CCDC60: variants seen among roughly 807,000 people sequenced by gnomAD.
CCDC60 encodes the protein coiled-coil domain containing 60, also known as coiled-coil domain-containing protein 60.
In CCDC60, 54 loss-of-function variants were observed where a neutral mutation model predicts 63.5. The observed-to-expected ratio is 0.85, with a 90% CI of 0.68 to 1.07. CCDC60 has a LOEUF of 1.07. Ranked by LOEUF, CCDC60 falls within the 50% of genes least tolerant of loss-of-function variation. The pLI is 0.00. For synonymous variants in CCDC60, 206 were observed against 238.8 expected (o/e 0.86, Z 1.27); for missense variants, 651 against 684.3 (o/e 0.95, Z 0.54).
chr12:119,534,364 G>A (rs752887892), intron 13 of CCDC60, among the ~76,000 whole-genome samples: 2 of 152,116 alleles, frequency 1.3e-5, no homozygotes, highest in Non-Finnish European at 2.9e-5. Flanking sequence ...TCTGCAAATA[G>A]GGACATTTTG....
At chr12:119,458,430 T>C (rs1950788397) in intron 2 of CCDC60, among the ~76,000 whole-genome samples, 1 of 152,200 alleles carries the variant, frequency 6.6e-6, no homozygotes, top group African/African-American at 2.4e-5. Flanking sequence ...AGTTTATTTT[T>C]ATTTTTATTT....
intron 1 of CCDC60, among the ~76,000 whole-genome samples, chr12:119,347,812 C>T (rs1016013581): frequency 6.6e-6 from 1 of 152,146 alleles, no homozygotes; most frequent in Non-Finnish European, 1.5e-5. Flanking sequence ...CCTGCCTCAT[C>T]GGGTTGTTGA....
intron 8 of CCDC60, among the ~76,000 whole-genome samples, chr12:119,518,670 T>G (rs1952417559): frequency 6.6e-6 from 1 of 152,168 alleles, no homozygotes; most frequent in African/African-American, 2.4e-5. Context: ...CATATTAGCA[T>G]GTGCCTGGCA....
chr12:119,528,894 C>T, intron 12 of CCDC60, 148 bp downstream of exon 12: 1 of 742,090 alleles, frequency 1.3e-6, no homozygotes, highest in Admixed American at 3.3e-5. Context: ...TCCCCCACCC[C>T]CCAGAAACAC....
chr12:119,535,616 C>G (rs1593231523), intron 13 of CCDC60, among the ~76,000 whole-genome samples: 2 of 152,256 alleles, frequency 1.3e-5, no homozygotes, highest in East Asian at 3.9e-4. Context: ...CACCTTGTGT[C>G]TTTGTTTTCA....
At chr12:119,512,385 C>G (rs1395875955) in intron 7 of CCDC60, among the ~76,000 whole-genome samples, 2 of 152,164 alleles carry the variant, frequency 1.3e-5, no homozygotes, top group Non-Finnish European at 2.9e-5. Context: ...CTGCCAGGTG[C>G]TATCAATAAA....
intron 2 of CCDC60, among the ~76,000 whole-genome samples, chr12:119,443,970 C>T (rs901859479): frequency 1.1e-4 from 16 of 152,170 alleles, no homozygotes; most frequent in Non-Finnish European, 1.8e-4. Context: ...GGCACACATA[C>T]ACACACACAT....
chr12:119,340,266 G>A (rs929486472), intron 1 of CCDC60, among the ~76,000 whole-genome samples: 1 of 152,144 alleles, frequency 6.6e-6, no homozygotes, highest in Non-Finnish European at 1.5e-5. Context: ...GACTTAATGT[G>A]GGTAATGCTG....
At chr12:119,366,196 T>C (rs1400249723) in intron 1 of CCDC60, among the ~76,000 whole-genome samples, 2 of 146,792 alleles carry the variant, frequency 1.4e-5, no homozygotes, top group Non-Finnish European at 3.0e-5. Flanking sequence ...TCACTGAAGA[T>C]CTACACAGTG....
chr12:119,428,787 T>C (rs1307681832), intron 2 of CCDC60, 25 bp downstream of exon 2: 14 of 1,500,858 alleles, frequency 9.3e-6, no homozygotes, highest in Non-Finnish European at 1.2e-5. Context: ...CAGGGAATGA[T>C]CCATAGACAA....
At chr12:119,518,443 T>C (rs1952411630) in intron 8 of CCDC60, among the ~76,000 whole-genome samples, 1 of 152,192 alleles carries the variant, frequency 6.6e-6, no homozygotes, top group Non-Finnish European at 1.5e-5. Context: ...TCAGGCTCCA[T>C]GGCCATGACT....
At chr12:119,443,771 G>A (rs537655302) in intron 2 of CCDC60, among the ~76,000 whole-genome samples, 5 of 152,250 alleles carry the variant, frequency 3.3e-5, no homozygotes, top group African/African-American at 1.2e-4. Context: ...ATGGCTTTTG[G>A]AGCCAGCATG....
intron 1 of CCDC60, among the ~76,000 whole-genome samples, chr12:119,335,639 T>C (rs1162756257): frequency 1.3e-5 from 2 of 151,950 alleles, no homozygotes; most frequent in East Asian, 3.9e-4. Flanking sequence ...CACTTTTTGA[T>C]GGGGTTGTTT....
intron 1 of CCDC60, among the ~76,000 whole-genome samples, chr12:119,353,999 T>C (rs1955689933): frequency 6.6e-6 from 1 of 151,950 alleles, no homozygotes; most frequent in Admixed American, 6.6e-5. Context: ...CTCTCTCCTC[T>C]GTCTTTCTCA....
chr12:119,462,102 T>C (rs1286379930), intron 2 of CCDC60, among the ~76,000 whole-genome samples: 2 of 152,174 alleles, frequency 1.3e-5, no homozygotes, highest in Non-Finnish European at 2.9e-5. Flanking sequence ...GAAGAGGGGC[T>C]GAAATTCCAC....
chr12:119,353,271 C>A (rs914182183), intron 1 of CCDC60, among the ~76,000 whole-genome samples: 1 of 152,122 alleles, frequency 6.6e-6, no homozygotes, highest in Non-Finnish European at 1.5e-5. Flanking sequence ...CTTAAAGGAC[C>A]TTAATCCATG....
At chr12:119,412,530 T>C (rs1196464720) in intron 1 of CCDC60, among the ~76,000 whole-genome samples, 2 of 152,198 alleles carry the variant, frequency 1.3e-5, no homozygotes, top group Non-Finnish European at 2.9e-5. Flanking sequence ...AATTTTTTCA[T>C]TTCCAAGAAA....
At chr12:119,429,958 T>G (rs1956967648) in intron 2 of CCDC60, among the ~76,000 whole-genome samples, 1 of 152,186 alleles carries the variant, frequency 6.6e-6, no homozygotes, top group African/African-American at 2.4e-5. Flanking sequence ...CTCCAAAATA[T>G]TATCATTCAA....
intron 1 of CCDC60, among the ~76,000 whole-genome samples, chr12:119,390,970 T>G (rs1956147515): frequency 6.6e-6 from 1 of 152,250 alleles, no homozygotes; most frequent in African/African-American, 2.4e-5. Context: ...GGCCACCTAG[T>G]CAGACCTCAG....
Sources: gnomAD v4.1 joint callset for allele counts (sites outside exome capture counted in the v4.1 genomes callset) on GRCh38, gnomAD v4.1.1 for gene constraint, MANE v1.5 for transcripts, NCBI Gene and HGNC (gene_info 2026-07-23, HGNC 2026-07-21) for gene names.